Variants in PER2 observed in about 807,000 individuals in gnomAD.
PER2 encodes period circadian protein homolog 2.
Under a neutral mutation model 121.0 loss-of-function variants are expected in PER2, and 66 were observed. That is an observed-to-expected ratio of 0.55 (90% CI 0.45 to 0.67). The LOEUF is 0.67. Among genes scored for constraint, PER2 ranks in the 30% least tolerant of loss-of-function variants. PER2 has a pLI of 0.00. For missense variants in PER2, 1,521 were observed against 1,635.0 expected (o/e 0.93, Z 1.20); for synonymous variants, 684 against 659.9 (o/e 1.04, Z -0.56).
chr2:238,270,962 G>A (rs1033662901), intron 6 of PER2, among the ~76,000 whole-genome samples: 1 of 152,246 alleles, frequency 6.6e-6, no homozygotes, highest in Non-Finnish European at 1.5e-5. Context: ...GGGGACGCCT[G>A]CGTGCAGGGA....
intron 1 of PER2, among the ~76,000 whole-genome samples, chr2:238,285,572 T>C (rs1696757908): frequency 6.6e-6 from 1 of 152,178 alleles, no homozygotes; most frequent in South Asian, 2.1e-4. Context: ...CGGAAAAGCA[T>C]TTTTTGTGGA....
At chr2:238,280,194 C>G (rs1266722944) in intron 1 of PER2, among the ~76,000 whole-genome samples, 5 of 152,206 alleles carry the variant, frequency 3.3e-5, no homozygotes, top group Admixed American at 2.0e-4. Flanking sequence ...ACAGCTGGCC[C>G]CAGGAACTGA....
At chr2:238,257,923 C>T (rs983278604) in intron 16 of PER2, among the ~76,000 whole-genome samples, 3 of 152,274 alleles carry the variant, frequency 2.0e-5, no homozygotes, top group African/African-American at 4.8e-5. Context: ...CTGCCCTAGA[C>T]TGACAACTTG....
the PER2 span, chr2:238,299,384 A>G: frequency 1.3e-5 from 2 of 151,638 alleles, no homozygotes; most frequent in Admixed American, 1.3e-4. Context: ...TCTACTAAAA[A>G]TACAAAAGCT....
At chr2:238,288,835 C>T (rs1400437765), upstream of PER2, among the ~76,000 whole-genome samples, 1 of 152,116 alleles carries the variant, frequency 6.6e-6, no homozygotes, top group Non-Finnish European at 1.5e-5. Flanking sequence ...CGCCCCCGGC[C>T]TCCGCCATTG....
chr2:238,252,625 C>T lies in PER2; in HGVS notation c.3111+287G>A, dbSNP rs770673314. On this transcript the variant is annotated intron_variant, in intron 19 of 22. Coordinates refer to ENST00000254657, the MANE Select transcript of PER2 (RefSeq NM_022817.3). The surrounding 1 kb of genome is among the most constrained non-coding windows in gnomAD (Gnocchi z 4.2). ...ATCTCTGAAGCGTCATTTAAAAAGT[C>T]GAAGCCCACAAATACTGTCAAGTCA... 1.3e-5 allele frequency among the ~76,000 whole-genome samples: 2 copies of T among 152,212 alleles called. No individual in the cohort carries two copies. The highest frequency in any genetic ancestry group is 4.8e-5 in the African/African-American group (2 of 41,446).
intron 12 of PER2, 75 bp from the exon 13 acceptor site, chr2:238,261,028 C>G: frequency 6.4e-7 from 1 of 1,554,446 alleles, no homozygotes; most frequent in East Asian, 2.3e-5. Flanking sequence ...TGCCAACACA[C>G]CCTGTTTCGC....
At chr2:238,271,550 G>A (rs1696287676) in intron 5 of PER2, 37 bp from the exon 6 acceptor site, 5 of 1,514,268 alleles carry the variant, frequency 3.3e-6, no homozygotes, top group Admixed American at 1.7e-5. Flanking sequence ...GACAAGGTCA[G>A]ATGGTGTCGG....
chr2:238,246,902 G>GT (rs1012423928), intron 22 of PER2, among the ~76,000 whole-genome samples: 77 of 152,270 alleles, frequency 5.1e-4, no homozygotes, highest in African/African-American at 1.6e-3. Flanking sequence ...TTCAAACTGA[G>GT]TAAGGTGCAG....
rs1695647434 is a variant in PER2, at chr2:238,252,950, C to T, written c.3073G>A (p.Gly1025Ser). The T allele has an allele frequency of 6.2e-7, 1 of 1,613,776 alleles. No homozygotes were observed. Among genetic ancestry groups the T allele is most frequent in the Non-Finnish European group, 8.5e-7 (1 of 1,180,036 alleles). The change falls in exon 19 of 23, where the codon GGC becomes AGC. Residue 1025 changes from glycine (G) to serine (S), a missense_variant. Transcript: ENST00000254657. This position sits in a 1 kb window ranked among gnomAD's most constrained non-coding sequence, Gnocchi z 4.2. ...TTCGGCTGCTGGTCCCGAGAAGTGC[C>T]AGGTTTGCAGTCCGCCCCTACAGCT... ...TAAVGADCKP[G>S]TSRDQQPKAP...
intron 12 of PER2, 117 bp from the exon 13 acceptor site, chr2:238,261,070 G>A (rs1298142124): frequency 4.1e-5 from 52 of 1,254,704 alleles, no homozygotes; most frequent in Non-Finnish European, 5.6e-5. Flanking sequence ...AAGGCTACAT[G>A]GCAGAGACCA....
chr2:238,290,776 T>C (rs1696935839), upstream of PER2, among the ~76,000 whole-genome samples: 1 of 152,000 alleles, frequency 6.6e-6, no homozygotes, highest in Non-Finnish European at 1.5e-5. Context: ...TGTAAGGAGT[T>C]GGTGATGTAG....
At chr2:238,284,135 G>T (rs773028995) in intron 1 of PER2, among the ~76,000 whole-genome samples, 16 of 152,266 alleles carry the variant, frequency 1.1e-4, no homozygotes, top group East Asian at 1.9e-4. Flanking sequence ...GCTTATCACT[G>T]CTAATCACTA....
At chr2:238,264,035 G>A (rs929582459) in intron 9 of PER2, among the ~76,000 whole-genome samples, 9 of 151,978 alleles carry the variant, frequency 5.9e-5, no homozygotes, top group Non-Finnish European at 1.5e-5. Flanking sequence ...AAAGAAGGAG[G>A]GGAGGAGGAG....
rs941380858 is a variant in PER2 at position 238,252,847 on chromosome 2, C to T, written c.3111+65G>A. On this transcript the variant is annotated intron_variant, in intron 19 of 22. Coordinates refer to ENST00000254657, the MANE Select transcript of PER2 (RefSeq NM_022817.3). The surrounding 1 kb of genome is among the most constrained non-coding windows in gnomAD (Gnocchi z 4.2). Reference sequence around the variant, plus strand: ...CCCCCATGTCTGAACTGAGGATGTGCGGCCGGCCTGCCAGGTGTGCTGTTT... The same window carrying T: ...CCCCCATGTCTGAACTGAGGATGTGTGGCCGGCCTGCCAGGTGTGCTGTTT... The T allele has an allele frequency of 1.3e-5, 18 of 1,387,680 alleles. No individual in the cohort carries two copies. Among genetic ancestry groups the T allele is most frequent in the South Asian group, 5.8e-5 (5 of 86,648 alleles). The allele number at this position is 1,387,680 out of a possible 1,614,324, so 86.0% of individuals were successfully genotyped here.
At chr2:238,286,437 G>GGTCTAGAGATAT (rs572433478) in intron 1 of PER2, among the ~76,000 whole-genome samples, 136 of 152,122 alleles carry the variant, frequency 8.9e-4, no homozygotes, top group African/African-American at 3.3e-3. Flanking sequence ...TTGGAGATAT[G>GGTCTAGAGATAT]GTAACAAACT....
chr2:238,289,083 G>A (rs530977950), upstream of PER2: 2 of 152,304 alleles, frequency 1.3e-5, no homozygotes, highest in South Asian at 4.1e-4. Flanking sequence ...CCGCCAGCTC[G>A]GGGAGCGCGG....
chr2:238,258,442 G>A (rs753576931), intron 15 of PER2, 42 bp from the exon 16 acceptor site: 1 of 1,614,076 alleles, frequency 6.2e-7, no homozygotes, highest in Non-Finnish European at 8.5e-7. Flanking sequence ...CACACAACAT[G>A]AGAGGAGGGA....
At chr2:238,284,441 CA>C (rs199867354) in intron 1 of PER2, among the ~76,000 whole-genome samples, 1,118 of 83,040 alleles carry the variant, frequency 0.013, 3 homozygotes, top group Non-Finnish European at 0.02. Context: ...GACTCTATCT[CA>C]AAAAAAAAAA....
Sources: gnomAD v4.1 joint callset for allele counts (sites outside exome capture counted in the v4.1 genomes callset) on GRCh38, gnomAD v4.1.1 for gene constraint, Gnocchi (gnomAD v3.1) non-coding constraint, MANE v1.5 for transcripts, NCBI Gene and HGNC (gene_info 2026-07-23, HGNC 2026-07-21) for gene names.